The following PCDH11X variants were observed in gnomAD, a reference collection of about 807,000 sequenced individuals.
PCDH11X encodes protocadherin 11 X-linked, also known as protocadherin-11 X-linked.
PCDH11X carries 18 observed loss-of-function variants against 53.3 expected under a neutral mutation model. The observed-to-expected ratio is 0.34, with a 90% CI of 0.23 to 0.50. The LOEUF (loss-of-function observed/expected upper bound fraction) is 0.50. Ranked by LOEUF, PCDH11X falls within the 20% of genes least tolerant of loss-of-function variation. PCDH11X has a pLI of 0.98. For missense variants in PCDH11X, 570 were observed against 1,032.4 expected (o/e 0.55, Z 6.14); for synonymous variants, 279 against 393.3 (o/e 0.71, Z 3.44).
intron 1 of PCDH11X, among the ~76,000 whole-genome samples, chrX:91,806,333 G>A (rs1260581964): frequency 1.8e-5 from 2 of 113,366 alleles, no homozygotes; most frequent in Non-Finnish European, 3.7e-5. Context: ...AAGGGCATTT[G>A]ATGCTTCTCA....
chrX:91,931,786 A>G (rs2061387866), intron 6 of PCDH11X, among the ~76,000 whole-genome samples: 1 of 110,915 alleles, frequency 9.0e-6, no homozygotes, highest in African/African-American at 3.3e-5. Context: ...TCTCTACTCA[A>G]TAGAAAAATA....
chrX:92,370,486 G>T, intron 8 of PCDH11X, among the ~76,000 whole-genome samples: 1 of 97,563 alleles, frequency 1.0e-5, no homozygotes, highest in African/African-American at 3.8e-5. Context: ...TTGAGACAGA[G>T]TCTCGCCTTG....
intron 5 of PCDH11X, among the ~76,000 whole-genome samples, chrX:91,862,182 C>A (rs1212509577): frequency 1.8e-5 from 2 of 110,179 alleles, no homozygotes; most frequent in African/African-American, 6.6e-5. Context: ...GGTATTAGTT[C>A]TTGTTTGAAT....
rs35455435 is a variant in PCDH11X, at chrX:92,092,848, A to G, written c.3034-108527A>G. Among the ~76,000 whole-genome samples, 120 of 111,442 alleles carry G rather than the reference A, an allele frequency of 1.1e-3. 1 individual carries two copies. Among genetic ancestry groups the G allele is most frequent in the African/African-American group, 3.5e-3 (108 of 30,724 alleles). ...TGTCCTTGCCCAAATCTCATGTCCA[A>G]TTGTAATCCCCAATGTTGGAGGTGG... On this transcript the variant is annotated intron_variant, in intron 6 of 10. Transcript: ENST00000682573.
chrX:91,781,552 A>G (rs1935144639), intron 1 of PCDH11X, among the ~76,000 whole-genome samples: 1 of 112,949 alleles, frequency 8.9e-6, no homozygotes. Context: ...AACTTGGTAA[A>G]GACTGACGGA....
At chrX:91,944,608 GA>G (rs757874855) in intron 6 of PCDH11X, among the ~76,000 whole-genome samples, 6 of 108,421 alleles carry the variant, frequency 5.5e-5, no homozygotes, top group African/African-American at 2.0e-4. Context: ...AAGTAGGCTG[GA>G]AGGGAAATAT....
rs112417604 is a variant in PCDH11X at position 92,016,772 on chromosome X, G to A, written c.3033+137499G>A. On this transcript the variant is annotated intron_variant, in intron 6 of 10. Transcript: ENST00000682573. ...CAGTTTCACTTTCTATCATTTTTGT[G>A]TTCACTGGAGTAGCACTTTCAATTT... is the stretch of plus-strand genomic sequence containing the variant. 1.8e-3 allele frequency among the ~76,000 whole-genome samples: 196 copies of A among 111,738 alleles called. 1 individual carries two copies. Among genetic ancestry groups the A allele is most frequent in the African/African-American group, 6.1e-3 (188 of 30,775 alleles).
At chrX:92,148,046 C>T (rs1227812577) in intron 6 of PCDH11X, among the ~76,000 whole-genome samples, 1 of 43,513 alleles carries the variant, frequency 2.3e-5, no homozygotes, top group African/African-American at 1.8e-4. Context: ...CTTTCCCTTC[C>T]TTCCTTCCTT....
intron 6 of PCDH11X, among the ~76,000 whole-genome samples, chrX:92,152,761 ATG>A (rs2065458361): frequency 1.2e-5 from 1 of 84,851 alleles, no homozygotes; most frequent in Non-Finnish European, 2.0e-5. Context: ...TTATGTATGT[ATG>A]TATGTATGTA....
chrX:91,829,391 G>A (rs1937032469), intron 4 of PCDH11X, among the ~76,000 whole-genome samples: 1 of 96,124 alleles, frequency 1.0e-5, no homozygotes, highest in Non-Finnish European at 2.1e-5. Flanking sequence ...CAAATACCCA[G>A]TGAAGACACA....
intron 6 of PCDH11X, among the ~76,000 whole-genome samples, chrX:91,968,995 T>C (rs1334378989): frequency 2.7e-5 from 3 of 111,219 alleles, no homozygotes; most frequent in Non-Finnish European, 5.7e-5. Context: ...CACATCCTAA[T>C]TGAAATATAA....
chrX:92,534,477 C>T (rs1369279738), intron 10 of PCDH11X, among the ~76,000 whole-genome samples: 2 of 108,497 alleles, frequency 1.8e-5, no homozygotes, highest in Non-Finnish European at 3.8e-5. Context: ...TTGGAAAACA[C>T]TCTTCAGGAT....
At position 92,238,843 on chromosome X, in the gene PCDH11X, T is replaced by A. The variant is rs149497945; in HGVS notation, c.3115-24271T>A. Among the ~76,000 whole-genome samples the A allele has an allele frequency of 4.0e-4, 45 of 112,054 alleles. 1 individual carries two copies. In the East Asian group the frequency reaches 8.9e-3, roughly 22 times the overall value. On this transcript the variant is annotated intron_variant, in intron 7 of 10. Coordinates refer to ENST00000682573, the MANE Select transcript of PCDH11X (RefSeq NM_032968.5). ...TTACACACATACACTCTTCAGTAGC[T>A]ACTGGTAGAGACTTACTATCCAATA...
chrX:92,132,898 T>G (rs1261472565), intron 6 of PCDH11X, among the ~76,000 whole-genome samples: 1 of 108,796 alleles, frequency 9.2e-6, no homozygotes, highest in African/African-American at 3.3e-5. Flanking sequence ...ATTCAAATCC[T>G]TTTCAATTAA....
At chrX:92,444,577 G>A (rs912550550) in intron 9 of PCDH11X, among the ~76,000 whole-genome samples, 1 of 108,800 alleles carries the variant, frequency 9.2e-6, no homozygotes, top group African/African-American at 3.4e-5. Context: ...ATACTATGTT[G>A]TATAACAGTG....
chrX:92,287,497 A>G (rs1351313936), intron 8 of PCDH11X, among the ~76,000 whole-genome samples: 1 of 111,137 alleles, frequency 9.0e-6, no homozygotes, highest in Non-Finnish European at 1.9e-5. Flanking sequence ...CTTCTCATTC[A>G]GTATCCACCG....
chrX:91,924,400 C>T (rs1166739645), intron 6 of PCDH11X, among the ~76,000 whole-genome samples: 1 of 110,956 alleles, frequency 9.0e-6, no homozygotes, highest in Non-Finnish European at 1.9e-5. Context: ...GAAATATAGG[C>T]CTGCCAACAC....
intron 6 of PCDH11X, among the ~76,000 whole-genome samples, chrX:92,004,329 T>G (rs2062560367): frequency 9.0e-6 from 1 of 111,519 alleles, no homozygotes; most frequent in African/African-American, 3.3e-5. Context: ...ATGATCCATG[T>G]GCTAAGGAAA....
At chrX:91,998,291 T>C (rs1160681893) in intron 6 of PCDH11X, among the ~76,000 whole-genome samples, 2 of 110,811 alleles carry the variant, frequency 1.8e-5, no homozygotes, top group Non-Finnish European at 3.8e-5. Flanking sequence ...CAGAAATTAA[T>C]CTATTTCTTC....
Sources: gnomAD v4.1 joint callset for allele counts (sites outside exome capture counted in the v4.1 genomes callset) on GRCh38, gnomAD v4.1.1 for gene constraint, MANE v1.5 for transcripts, NCBI Gene and HGNC (gene_info 2026-07-23, HGNC 2026-07-21) for gene names.